The following BACH2 variants were observed in gnomAD, a reference collection of about 807,000 sequenced individuals.
BACH2 encodes transcription regulator protein BACH2.
A neutral mutation model predicts 61.8 loss-of-function variants in BACH2; 5 were observed. The ratio of observed to expected loss-of-function variants is 0.08; its 90% CI spans 0.04 to 0.17. The LOEUF (loss-of-function observed/expected upper bound fraction) is 0.17. Ranked by LOEUF, BACH2 falls within the 10% of genes least tolerant of loss-of-function variation. The pLI is 1.00. For missense variants in BACH2, 824 were observed against 1,091.1 expected (o/e 0.76, Z 3.45); for synonymous variants, 446 against 440.1 (o/e 1.01, Z -0.17).
intron 6 of BACH2, among the ~76,000 whole-genome samples, chr6:89,956,546 T>C (rs762626419): frequency 7.2e-5 from 11 of 152,332 alleles, no homozygotes; most frequent in Non-Finnish European, 1.3e-4. Flanking sequence ...GAAAGGAAGA[T>C]GGGCTGATGA....
intron 5 of BACH2, among the ~76,000 whole-genome samples, chr6:90,019,405 T>C (rs1258417927): frequency 1.3e-5 from 2 of 152,172 alleles, no homozygotes; most frequent in Admixed American, 6.5e-5. Flanking sequence ...ACCAGGCATG[T>C]TTGGGGCTTT....
chr6:90,241,948 T>C (rs938471841), intron 3 of BACH2, among the ~76,000 whole-genome samples: 3 of 151,478 alleles, frequency 2.0e-5, no homozygotes, highest in Admixed American at 1.3e-4. Context: ...TTTTTTTTTT[T>C]ATTAGTAGAC....
At chr6:90,014,011 T>C (rs756510169) in intron 5 of BACH2, among the ~76,000 whole-genome samples, 5 of 152,092 alleles carry the variant, frequency 3.3e-5, no homozygotes, top group Non-Finnish European at 5.9e-5. Context: ...CTTGAATTCC[T>C]GGCCTCAAGC....
intron 6 of BACH2, among the ~76,000 whole-genome samples, chr6:90,005,030 C>T (rs1179898183): frequency 6.6e-6 from 1 of 151,890 alleles, no homozygotes; most frequent in East Asian, 1.9e-4. Context: ...TAGAAGGAGG[C>T]CTCCCTCTAT....
chr6:90,098,404 A>G (rs1013494092), intron 4 of BACH2, among the ~76,000 whole-genome samples: 11 of 152,204 alleles, frequency 7.2e-5, no homozygotes, highest in African/African-American at 2.7e-4. Flanking sequence ...GCAGGCTGTG[A>G]GATCATTCAC....
At chr6:90,182,901 A>G (rs1477439630) in intron 4 of BACH2, among the ~76,000 whole-genome samples, 1 of 152,188 alleles carries the variant, frequency 6.6e-6, no homozygotes, top group Non-Finnish European at 1.5e-5. Flanking sequence ...AATAATTTCA[A>G]TTTTTATTTT....
Position 90,162,728 on chromosome 6 carries a change from C to G in BACH2, c.-162+43841G>C, listed in dbSNP as rs539900700. Among the ~76,000 whole-genome samples the G allele has an allele frequency of 2.0e-5, 3 of 152,298 alleles. No individual in the cohort carries two copies. The East Asian group carries it at 5.8e-4, about 29-fold the overall frequency. ...TGCATTTTAATTTTCTAAGGACAAGCAAGCAAAGAATGATCATGATTTTCT... is the reference window on the plus strand; with the variant it reads ...TGCATTTTAATTTTCTAAGGACAAGGAAGCAAAGAATGATCATGATTTTCT... On this transcript the variant is annotated intron_variant, in intron 4 of 8. Transcript: ENST00000257749.
In BACH2 at chr6:90,003,353, T is replaced by C. The variant is rs375429405; in HGVS notation, c.243+5249A>G. On this transcript the variant is annotated intron_variant, in intron 6 of 8. Coordinates refer to ENST00000257749, the MANE Select transcript of BACH2 (RefSeq NM_021813.4). ...CTAGACATCAGCACAGCCAGCTCCC[T>C]CACCTGCTCCAGGTCTCTCTTCAAA... Among the ~76,000 whole-genome samples, 6 of 152,266 alleles carry C rather than the reference T, an allele frequency of 3.9e-5. No homozygotes were observed. The East Asian group carries it at 1.2e-3, about 29-fold the overall frequency.
intron 5 of BACH2, among the ~76,000 whole-genome samples, chr6:90,017,648 T>C (rs1778139503): frequency 6.6e-6 from 1 of 152,176 alleles, no homozygotes; most frequent in African/African-American, 2.4e-5. Context: ...TCTCTAAAAG[T>C]CCCCTTTGGT....
chr6:90,142,931 G>C (rs1041520435), intron 4 of BACH2, among the ~76,000 whole-genome samples: 14 of 152,174 alleles, frequency 9.2e-5, no homozygotes, highest in African/African-American at 3.4e-4. Flanking sequence ...CCTTGGGTGT[G>C]ATTTAAGGTA....
intron 1 of BACH2, among the ~76,000 whole-genome samples, chr6:90,295,708 C>G (rs1582577660): frequency 1.3e-5 from 2 of 151,514 alleles, no homozygotes; most frequent in East Asian, 3.9e-4. Flanking sequence ...CATGGAGGAT[C>G]TGTGGGAGAG....
intron 4 of BACH2, among the ~76,000 whole-genome samples, chr6:90,170,131 C>A (rs933685851): frequency 6.6e-6 from 1 of 151,988 alleles, no homozygotes; most frequent in Non-Finnish European, 1.5e-5. Flanking sequence ...GCAACTTAAC[C>A]TTTACAAGTT....
rs1370812830 is a variant in BACH2, at chr6:90,121,792, CA to C, written c.-161-32684del. 1.3e-5 allele frequency among the ~76,000 whole-genome samples: 2 copies of C among 152,160 alleles called. 1 individual carries two copies. The highest frequency in any genetic ancestry group is 2.9e-5 in the Non-Finnish European group (2 of 68,024). On this transcript the variant is annotated intron_variant, in intron 4 of 8. Coordinates refer to ENST00000257749, the MANE Select transcript of BACH2 (RefSeq NM_021813.4). ...AACTCCTGACCTCAGGTAATTCGCC[CA>C]CCTCGGCCTCCCAAAGTGCTGGGAT...
At chr6:90,046,113 G>T (rs1016273859) in intron 5 of BACH2, among the ~76,000 whole-genome samples, 1 of 152,210 alleles carries the variant, frequency 6.6e-6, no homozygotes, top group Non-Finnish European at 1.5e-5. Flanking sequence ...ACGTCTGAAA[G>T]AGTGAAAGCT....
chr6:89,950,273 C>T lies in BACH2; in HGVS notation c.1833G>A (p.Gln611=). 6.2e-7 allele frequency: 1 copy of T among 1,614,156 alleles called. No homozygotes were observed. The highest frequency in any genetic ancestry group is 1.1e-5 in the South Asian group (1 of 91,074). ...TGAATTTATGTGGGTTCCCTACCTC[C>T]TGGCCCCTGTCCTGCACAGGACACG... ...SESCPVQDRG[Q]EVKLPFPVDQ... Residue 611 remains glutamine (Q), a synonymous_variant, in exon 7 of 9, where the codon CAG becomes CAA. Coordinates refer to ENST00000257749, the MANE Select transcript of BACH2 (RefSeq NM_021813.4). The surrounding 1 kb of genome is among the most constrained non-coding windows in gnomAD (Gnocchi z 5.3).
At chr6:90,165,154 T>C (rs1285332268) in intron 4 of BACH2, among the ~76,000 whole-genome samples, 1 of 152,186 alleles carries the variant, frequency 6.6e-6, no homozygotes, top group Admixed American at 6.5e-5. Context: ...TGATTGTATA[T>C]CTAGAAAACC....
chr6:90,028,142 G>A (rs1257349674), intron 5 of BACH2, among the ~76,000 whole-genome samples: 1 of 152,142 alleles, frequency 6.6e-6, no homozygotes, highest in Non-Finnish European at 1.5e-5. Flanking sequence ...TGACTGTGAA[G>A]GTCAAATAAG....
intron 5 of BACH2, among the ~76,000 whole-genome samples, chr6:90,046,856 A>C (rs1779803469): frequency 6.6e-6 from 1 of 152,124 alleles, no homozygotes; most frequent in Non-Finnish European, 1.5e-5. Context: ...GGATGAAGCT[A>C]AACCATATTC....
chr6:90,231,973 GAGAGAGAGAGAC>G (rs1302741184), intron 3 of BACH2, among the ~76,000 whole-genome samples: 1 of 151,862 alleles, frequency 6.6e-6, no homozygotes, highest in Admixed American at 6.6e-5. Flanking sequence ...TATTTGGTCT[GAGAGAGAGAGAC>G]AGAGAGAGAG....
Sources: allele counts gnomAD v4.1 joint callset (sites outside exome capture counted in the v4.1 genomes callset), GRCh38; gene constraint gnomAD v4.1.1; non-coding constraint Gnocchi (gnomAD v3.1); transcripts MANE v1.5; gene names NCBI Gene and HGNC (gene_info 2026-07-23, HGNC 2026-07-21).